The following ENO4 variants were observed in gnomAD, a reference collection of about 807,000 sequenced individuals.
The protein encoded by ENO4 is 2-phospho-D-glycerate hydro-lyase.
ENO4 carries 53 observed loss-of-function variants against 63.2 expected under a neutral mutation model. That is an observed-to-expected ratio of 0.84 (90% confidence interval 0.67 to 1.05). The LOEUF (loss-of-function observed/expected upper bound fraction) is 1.05. ENO4 is among the 50% of genes least tolerant of loss of function. The pLI is 0.00. For missense variants in ENO4, 719 were observed against 772.0 expected, an observed-to-expected ratio of 0.93 and a Z score of 0.81; for synonymous variants, 266 against 283.8, an observed-to-expected ratio of 0.94 and a Z score of 0.63.
chr10:116,874,067 ACATAT>A lies in ENO4; in HGVS notation c.1216-6_1216-2del, dbSNP rs1294632453. On this transcript the variant is annotated splice_region_variant and splice_polypyrimidine_tract_variant and intron_variant, in intron 9 of 13. Transcript: ENST00000341276. Reference sequence around the variant, plus strand: ...TCCCTTATTTTAATATTTTCCTGACACATATCAGAATAAAGGAAAGTATGAAGTGA... The same window carrying A: ...TCCCTTATTTTAATATTTTCCTGACACAGAATAAAGGAAAGTATGAAGTGA... 6.5e-7 allele frequency: 1 copy of A among 1,533,934 alleles called. No individual in the cohort carries two copies. Among genetic ancestry groups the A allele is most frequent in the Non-Finnish European group, 8.8e-7 (1 of 1,134,640 alleles).
intron 9 of ENO4, among the ~76,000 whole-genome samples, chr10:116,872,178 CAA>C (rs1213044104): frequency 6.6e-6 from 1 of 152,210 alleles, no homozygotes; most frequent in Non-Finnish European, 1.5e-5. Flanking sequence ...GCCTGGGCAA[CAA>C]GAGTGAAACT....
rs187846879 is a variant in ENO4 at position 116,879,930 on chromosome 10, C to A, written c.1667C>A (p.Thr556Asn). ...LGGLSRGERV[T>N]KYNRLLTIEE... ...GGTCTTTCCCGTGGTGAACGAGTGA[C>A]TAAATACAACCGCCTTCTCACTATA... is the stretch of plus-strand genomic sequence containing the variant. Residue 556 changes from threonine to asparagine, a missense_variant, in exon 13 of 14, where the codon ACT (threonine) becomes AAT (asparagine). Transcript: ENST00000341276. 69 of 1,550,752 alleles carry A rather than the reference C, an allele frequency of 4.4e-5. No homozygotes were observed. The Admixed American group carries it at 8.0e-4, about 18-fold the overall frequency.
intron 4 of ENO4, 134 bp downstream of exon 4, chr10:116,859,272 A>G (rs192371755): frequency 1.0e-6 from 1 of 989,078 alleles, no homozygotes; most frequent in African/African-American, 1.6e-5. Flanking sequence ...CATCCATCCT[A>G]TGCCACATCC....
chr10:116,854,694 G>C (rs1846203646), intron 1 of ENO4, among the ~76,000 whole-genome samples: 1 of 151,998 alleles, frequency 6.6e-6, no homozygotes, highest in African/African-American at 2.4e-5. Flanking sequence ...TGTAATCCCA[G>C]CACTTTGGAA....
intron 11 of ENO4, among the ~76,000 whole-genome samples, chr10:116,876,498 T>C (rs1846836732): frequency 6.6e-6 from 1 of 152,206 alleles, no homozygotes; most frequent in South Asian, 2.1e-4. Context: ...CTACCAGAGG[T>C]ATGGCCAAGG....
chr10:116,876,309 A>G, intron 11 of ENO4, 49 bp downstream of exon 11: 1 of 1,389,894 alleles, frequency 7.2e-7, no homozygotes, highest in Non-Finnish European at 9.6e-7. Flanking sequence ...TGGTTATACA[A>G]GAAACCAAAA....
chr10:116,889,229 G>A (rs547660681), intron 10 of ENO4, among the ~76,000 whole-genome samples: 1 of 152,226 alleles, frequency 6.6e-6, no homozygotes, highest in East Asian at 1.9e-4. Flanking sequence ...GTGCTCTCTG[G>A]GCTCCACAGC....
chr10:116,886,991 G>A (rs1201208093), downstream of ENO4, among the ~76,000 whole-genome samples: 2 of 152,044 alleles, frequency 1.3e-5, no homozygotes, highest in African/African-American at 4.8e-5. Flanking sequence ...GCTGGTTGCA[G>A]GGTAGTGCTG....
chr10:116,900,285 G>C, intron 10 of ENO4: 1 of 494,078 alleles, frequency 2.0e-6, no homozygotes, highest in South Asian at 3.5e-5. Flanking sequence ...AATTAAACTG[G>C]AATGTGTCTC....
chr10:116,856,882 G>A (rs1681719), intron 3 of ENO4, among the ~76,000 whole-genome samples, 200 bp downstream of exon 3: 7,628 of 151,988 alleles, frequency 0.05, 287 homozygotes, highest in Non-Finnish European at 0.069. Context: ...CCAGCTACTC[G>A]GGAGGCTGAG....
intron 3 of ENO4, among the ~76,000 whole-genome samples, chr10:116,856,988 CAA>C (rs66621882): frequency 4.7e-4 from 57 of 120,116 alleles, no homozygotes; most frequent in Non-Finnish European, 4.8e-4. Context: ...GACTCTGTAT[CAA>C]AAAAAAAAAA....
At chr10:116,870,066 T>A (rs1203374539) in intron 8 of ENO4, among the ~76,000 whole-genome samples, 1 of 152,220 alleles carries the variant, frequency 6.6e-6, no homozygotes, top group African/African-American at 2.4e-5. Context: ...TCCCCAACTA[T>A]TGCTTTGTTT....
intron 6 of ENO4, among the ~76,000 whole-genome samples, chr10:116,862,399 G>T (rs114395449): frequency 0.011 from 1,699 of 152,178 alleles, 33 homozygotes; most frequent in African/African-American, 0.038. Flanking sequence ...TTCGGAGTTT[G>T]CAGTAGGCCG....
Position 116,861,036 on chromosome 10 carries a change from C to T in ENO4, c.805-23C>T, listed in dbSNP as rs764958511. ...ATGGATGAACCCTGTTTCTCATTTT[C>T]CCTCGTTTTCCCCCTATTTCAGGAA... is the stretch of plus-strand genomic sequence containing the variant. On this transcript the variant is annotated intron_variant, in intron 5 of 13. Coordinates refer to ENST00000341276, the MANE Select transcript of ENO4 (RefSeq NM_001242699.2). 6.5e-6 allele frequency: 10 copies of T among 1,543,282 alleles called. No individual in the cohort carries two copies. In the African/African-American group the frequency reaches 6.9e-5, roughly 11 times the overall value.
At chr10:116,872,162 A>G (rs1846713413) in intron 9 of ENO4, among the ~76,000 whole-genome samples, 1 of 152,160 alleles carries the variant, frequency 6.6e-6, no homozygotes, top group Non-Finnish European at 1.5e-5. Context: ...GTGCCATTGC[A>G]CTCCAGCCTG....
At chr10:116,905,312 G>A (rs1847927258) in intron 10 of ENO4, among the ~76,000 whole-genome samples, 1 of 151,798 alleles carries the variant, frequency 6.6e-6, no homozygotes, top group Non-Finnish European at 1.5e-5. Flanking sequence ...AATGAATAAC[G>A]ATTATATGTT....
chr10:116,857,593 T>C (rs1299034267), intron 3 of ENO4, among the ~76,000 whole-genome samples: 2 of 152,122 alleles, frequency 1.3e-5, no homozygotes, highest in African/African-American at 4.8e-5. Flanking sequence ...TAATTGTATA[T>C]AACATTTTAG....
intron 10 of ENO4, among the ~76,000 whole-genome samples, chr10:116,893,576 G>GCACGCACACACA (rs1554905665): frequency 1.6e-5 from 2 of 123,524 alleles, no homozygotes; most frequent in Admixed American, 8.5e-5. Context: ...GCACTCATGT[G>GCACGCACACACA]CACACACACA....
At chr10:116,886,094 A>C (rs1847153986), downstream of ENO4, 5 of 521,838 alleles carry the variant, frequency 9.6e-6, no homozygotes, top group Admixed American at 7.0e-5. Context: ...AGTCATACTT[A>C]ATACAGTAAC....
Sources: gnomAD v4.1 joint callset for allele counts (sites outside exome capture counted in the v4.1 genomes callset) on GRCh38, gnomAD v4.1.1 for gene constraint, MANE v1.5 for transcripts, NCBI Gene and HGNC (gene_info 2026-07-23, HGNC 2026-07-21) for gene names.